The following DIS3L2 variants were observed in gnomAD, a reference collection of about 807,000 sequenced individuals.
The protein encoded by DIS3L2 is DIS3-like exonuclease 2.
A neutral mutation model predicts 97.5 loss-of-function variants in DIS3L2; 34 were observed. The observed-to-expected ratio is 0.35, with a 90% CI of 0.27 to 0.46. DIS3L2 has a LOEUF of 0.46. Ranked by LOEUF, DIS3L2 falls within the 20% of genes least tolerant of loss-of-function variation. DIS3L2 has a pLI of 1.00. For missense variants in DIS3L2, 1,038 were observed against 1,146.0 expected (o/e 0.91, Z 1.36); for synonymous variants, 435 against 445.2 (o/e 0.98, Z 0.29).
intron 6 of DIS3L2, among the ~76,000 whole-genome samples, chr2:232,119,876 C>G (rs1697841863): frequency 6.6e-6 from 1 of 152,194 alleles, no homozygotes. Flanking sequence ...CTTTCTTAAT[C>G]TCTTACCAAT....
chr2:232,202,858 A>T (rs914455080), intron 9 of DIS3L2, among the ~76,000 whole-genome samples: 1 of 152,254 alleles, frequency 6.6e-6, no homozygotes. Context: ...GTGAAACAGT[A>T]TTATGATATT....
intron 13 of DIS3L2, among the ~76,000 whole-genome samples, chr2:232,342,262 T>A (rs997283175): frequency 6.9e-6 from 1 of 145,974 alleles, no homozygotes; most frequent in African/African-American, 2.6e-5. Flanking sequence ...CATACACACA[T>A]ACACATATAC....
chr2:232,261,808 G>A (rs1693718957), intron 12 of DIS3L2, among the ~76,000 whole-genome samples: 1 of 152,174 alleles, frequency 6.6e-6, no homozygotes, highest in Admixed American at 6.5e-5. Context: ...CTCTAGGGCT[G>A]GACTGCCTGG....
At position 232,086,239 on chromosome 2, in the gene DIS3L2, A is replaced by G. The variant is rs146981278; in HGVS notation, c.367-1248A>G. Among the ~76,000 whole-genome samples the G allele has an allele frequency of 1.3e-3, 194 of 144,076 alleles. 5 individuals carry two copies. The highest frequency in any genetic ancestry group is 3.0e-3 in the African/African-American group (108 of 36,266). 94.5% of individuals were successfully genotyped at this position (144,076 alleles called of 152,430 possible). On this transcript the variant is annotated intron_variant, in intron 5 of 20. Transcript: ENST00000325385. ...TACACACGTATAGACGTGTATACGT[A>G]TATATACACACGTATAGACGTGTAT...
At chr2:232,039,449 T>C (rs1695047230) in intron 5 of DIS3L2, among the ~76,000 whole-genome samples, 1 of 152,162 alleles carries the variant, frequency 6.6e-6, no homozygotes, top group Non-Finnish European at 1.5e-5. Flanking sequence ...CTCACTCCTC[T>C]TGGGTATGTA....
Position 232,325,594 on chromosome 2 carries a change from G to A in DIS3L2, c.1740-4219G>A, listed in dbSNP as rs2343830. ...TCCTGGCCCTGCAGCCACTGTCACA[G>A]CACAGCCCCACCCCAGACCTCCAGA... On this transcript the variant is annotated intron_variant, in intron 14 of 20. Coordinates refer to ENST00000325385, the MANE Select transcript of DIS3L2 (RefSeq NM_152383.5). The surrounding 1 kb of genome is among the most constrained non-coding windows in gnomAD (Gnocchi z 4.6). Among the ~76,000 whole-genome samples, 1 of 152,166 alleles carries A rather than the reference G, an allele frequency of 6.6e-6. No individual in the cohort carries two copies. Among genetic ancestry groups the A allele is most frequent in the Admixed American group, 6.5e-5 (1 of 15,282 alleles).
intron 14 of DIS3L2, among the ~76,000 whole-genome samples, chr2:232,308,583 G>A (rs1193653527): frequency 6.6e-6 from 1 of 152,102 alleles, no homozygotes; most frequent in Non-Finnish European, 1.5e-5. Context: ...GATTTCCTTC[G>A]GCTGAAGTGT....
chr2:232,206,836 A>C (rs1362567094), intron 9 of DIS3L2, among the ~76,000 whole-genome samples: 1 of 152,214 alleles, frequency 6.6e-6, no homozygotes, highest in African/African-American at 2.4e-5. Flanking sequence ...CTTAGAAAGC[A>C]GTTGTGGGGG....
intron 8 of DIS3L2, among the ~76,000 whole-genome samples, chr2:232,157,577 A>G (rs977358430): frequency 1.3e-5 from 2 of 152,224 alleles, no homozygotes; most frequent in African/African-American, 4.8e-5. Flanking sequence ...TACATAAGCA[A>G]TATAGGTAGA....
chr2:232,142,344 G>A (rs1690083719), intron 8 of DIS3L2, among the ~76,000 whole-genome samples: 1 of 152,172 alleles, frequency 6.6e-6, no homozygotes, highest in South Asian at 2.1e-4. Flanking sequence ...AGGAATGGAG[G>A]AGAATGATCC....
chr2:232,253,343 C>A (rs868156825), intron 12 of DIS3L2, among the ~76,000 whole-genome samples: 6 of 152,190 alleles, frequency 3.9e-5, no homozygotes, highest in Admixed American at 1.3e-4. Flanking sequence ...GTGGAAAGGA[C>A]AAACACTGCC....
chr2:232,154,732 C>G (rs1574912547), intron 8 of DIS3L2, among the ~76,000 whole-genome samples: 1 of 149,612 alleles, frequency 6.7e-6, no homozygotes, highest in East Asian at 2.0e-4. Context: ...GGGCTGCACC[C>G]AGTTGGAGCT....
rs1431750080 is a variant in DIS3L2 at position 232,343,447 on chromosome 2, ACTCGGGG to A, written c.1686_1692del (p.Arg563TyrfsTer28). The A allele has an allele frequency of 6.4e-7, 1 of 1,555,720 alleles. No homozygotes were observed. The highest frequency in any genetic ancestry group is 2.4e-5 in the East Asian group (1 of 41,160). On this transcript the variant is annotated frameshift_variant, in exon 14 of 14. Transcript: ENST00000273009. LOFTEE classifies it high-confidence loss of function. Reference sequence around the variant, plus strand: ...CTCCACAGAGGAACGCCTGCCTGAGACTCGGGGCATATGTGACAGGGATCCAGACACA... The same window carrying A: ...CTCCACAGAGGAACGCCTGCCTGAGACATATGTGACAGGGATCCAGACACA...
At position 232,014,979 on chromosome 2, in the gene DIS3L2, G is replaced by A. The variant is rs1694314479; in HGVS notation, c.52G>A (p.Gly18Ser). The A allele has an allele frequency of 6.2e-7, 1 of 1,613,986 alleles. No homozygotes were observed. Reference sequence around the variant, plus strand: ...CCTCCGGCCCCTGGGGACCCCCAGAGGTAGTAAAAGGAAAATGGAGTCTGC... The same window carrying A: ...CCTCCGGCCCCTGGGGACCCCCAGAAGTAGTAAAAGGAAAATGGAGTCTGC... ...MNLRPLGTPR[G>S]VSAVAGPHDI... The change falls in exon 2 of 21, where the codon GGT (glycine) becomes AGT (serine). Residue 18 changes from glycine (G) to serine (S), a missense_variant and splice_region_variant. Physicochemically the swap from Gly to Ser is moderately conservative, Grantham distance 56. Transcript: ENST00000325385.
chr2:232,108,199 G>C (rs899592488), intron 6 of DIS3L2, among the ~76,000 whole-genome samples: 21 of 152,080 alleles, frequency 1.4e-4, no homozygotes, highest in African/African-American at 5.1e-4. Flanking sequence ...TACATCCCTG[G>C]GATGCAAGGC....
chr2:232,165,394 T>C (rs565674114), intron 9 of DIS3L2, among the ~76,000 whole-genome samples: 1 of 152,248 alleles, frequency 6.6e-6, no homozygotes, highest in Admixed American at 6.5e-5. Flanking sequence ...AAAGTATATA[T>C]GCATAGAAAA....
intron 13 of DIS3L2, among the ~76,000 whole-genome samples, chr2:232,277,030 C>T (rs966840213): frequency 3.9e-5 from 6 of 152,152 alleles, no homozygotes; most frequent in African/African-American, 7.2e-5. Context: ...ATGGAGACAT[C>T]GCCTCCTTTA....
At position 232,281,271 on chromosome 2, in the gene DIS3L2, C is replaced by T. The variant is rs907399065; in HGVS notation, c.1659+17831C>T. On this transcript the variant is annotated intron_variant, in intron 13 of 20. Coordinates refer to ENST00000325385, the MANE Select transcript of DIS3L2 (RefSeq NM_152383.5). This position sits in a 1 kb window ranked among gnomAD's most constrained non-coding sequence, Gnocchi z 4.1. ...AAAATTAGCCGGGCGTGGTGGCGGGCGCCTGTGGTCCCAGCTATTTGGGAG... is the reference window on the plus strand; with the variant it reads ...AAAATTAGCCGGGCGTGGTGGCGGGTGCCTGTGGTCCCAGCTATTTGGGAG... Among the ~76,000 whole-genome samples the T allele has an allele frequency of 8.5e-5, 13 of 152,062 alleles. No individual in the cohort carries two copies. Among genetic ancestry groups the T allele is most frequent in the African/African-American group, 4.8e-5 (2 of 41,388 alleles).
intron 4 of DIS3L2, among the ~76,000 whole-genome samples, chr2:232,026,404 A>G (rs1331124165): frequency 6.6e-6 from 1 of 152,054 alleles, no homozygotes; most frequent in Non-Finnish European, 1.5e-5. Flanking sequence ...TCTCAGTGCT[A>G]GCTCCCTGTC....
Sources: allele counts gnomAD v4.1 joint callset (sites outside exome capture counted in the v4.1 genomes callset), GRCh38; gene constraint gnomAD v4.1.1; non-coding constraint Gnocchi (gnomAD v3.1); transcripts MANE v1.5; gene names NCBI Gene and HGNC (gene_info 2026-07-23, HGNC 2026-07-21).